SMG6: variants seen among roughly 807,000 people sequenced by gnomAD.
SMG6 encodes the protein telomerase-binding protein EST1A.
Under a neutral mutation model 142.2 loss-of-function variants are expected in SMG6, and 66 were observed. The ratio of observed to expected loss-of-function variants is 0.46; its 90% CI spans 0.38 to 0.57. The LOEUF (loss-of-function observed/expected upper bound fraction) is 0.57, where lower values mean the gene tolerates loss of function less well. SMG6 is among the 20% of genes least tolerant of loss of function. The pLI is 0.00. For synonymous variants in SMG6, 779 were observed against 702.4 expected, an observed-to-expected ratio of 1.11 and a Z score of -1.72; for missense variants, 1,793 against 1,832.0, an observed-to-expected ratio of 0.98 and a Z score of 0.39.
At chr17:2,157,877 C>T (rs550734922) in intron 13 of SMG6, among the ~76,000 whole-genome samples, 33 of 152,258 alleles carry the variant, frequency 2.2e-4, no homozygotes, top group African/African-American at 7.2e-4. Context: ...ATTGCAATGG[C>T]GACAAGAAGC....
At chr17:2,269,850 C>T (rs147938553) in intron 8 of SMG6, among the ~76,000 whole-genome samples, 1 of 152,236 alleles carries the variant, frequency 6.6e-6, no homozygotes, top group East Asian at 1.9e-4. Flanking sequence ...CCCAAAGTCT[C>T]GCAGCTAATA....
intron 10 of SMG6, among the ~76,000 whole-genome samples, chr17:2,196,735 G>A (rs757812270): frequency 2.0e-5 from 3 of 152,012 alleles, no homozygotes; most frequent in Non-Finnish European, 2.9e-5. Flanking sequence ...CTGATGTTAA[G>A]TTAATGAAGA....
chr17:2,295,699 T>C (rs965983963), intron 4 of SMG6, among the ~76,000 whole-genome samples: 2 of 152,148 alleles, frequency 1.3e-5, no homozygotes, highest in African/African-American at 4.8e-5. Context: ...ACCTGTATCA[T>C]GATGACTCAT....
At chr17:2,253,945 G>T (rs1027874042) in intron 8 of SMG6, among the ~76,000 whole-genome samples, 4 of 152,188 alleles carry the variant, frequency 2.6e-5, no homozygotes, top group African/African-American at 7.2e-5. Context: ...AGGGCTCCTG[G>T]ACGTTTCCCA....
chr17:2,253,053 C>T (rs1019705178), intron 8 of SMG6, among the ~76,000 whole-genome samples: 17 of 152,056 alleles, frequency 1.1e-4, no homozygotes, highest in African/African-American at 4.1e-4. Context: ...CTGCTTTCCC[C>T]CTACAAAGGC....
intron 13 of SMG6, among the ~76,000 whole-genome samples, chr17:2,099,818 T>C (rs2068955891): frequency 6.6e-6 from 1 of 152,186 alleles, no homozygotes; most frequent in East Asian, 1.9e-4. Context: ...CAAAACCAAC[T>C]GTATCACAAT....
At position 2,119,989 on chromosome 17, in the gene SMG6, G is replaced by A. The variant is rs141394427; in HGVS notation, c.3358-34088C>T. Reference sequence around the variant, plus strand: ...GTCCAGCTAACGTCTTATATTTTTAGTAGAGAAACGGTTTCACCGTGTTGG... The same window carrying A: ...GTCCAGCTAACGTCTTATATTTTTAATAGAGAAACGGTTTCACCGTGTTGG... On this transcript the variant is annotated intron_variant, in intron 13 of 18. Coordinates refer to ENST00000263073, the MANE Select transcript of SMG6 (RefSeq NM_017575.5). Among the ~76,000 whole-genome samples, 865 of 152,148 alleles carry A rather than the reference G, an allele frequency of 5.7e-3. 9 individuals are homozygous for A. The highest frequency in any genetic ancestry group is 0.019 in the African/African-American group (802 of 41,506).
chr17:2,258,113 T>C (rs2074234452), intron 8 of SMG6, among the ~76,000 whole-genome samples: 2 of 151,642 alleles, frequency 1.3e-5, no homozygotes, highest in South Asian at 2.1e-4. Flanking sequence ...GCATCTTCTA[T>C]GTGTAGCACA....
chr17:2,112,728 T>C (rs902988896), intron 13 of SMG6, among the ~76,000 whole-genome samples: 1 of 146,934 alleles, frequency 6.8e-6, no homozygotes, highest in Non-Finnish European at 1.5e-5. Flanking sequence ...CAGCAAACAA[T>C]AAAAGCCAGG....
intron 12 of SMG6, 24 bp from the exon 13 acceptor site, chr17:2,172,883 G>C (rs1399080289): frequency 6.2e-7 from 1 of 1,610,456 alleles, no homozygotes; most frequent in African/African-American, 1.3e-5. Context: ...GGTAAGAAAA[G>C]AGCAGCTCTA....
chr17:2,206,930 T>TA (rs2072699801), intron 10 of SMG6, among the ~76,000 whole-genome samples: 2 of 149,834 alleles, frequency 1.3e-5, no homozygotes, highest in South Asian at 4.2e-4. Context: ...ATAAAACAAA[T>TA]AAAGATGAAA....
At chr17:2,106,675 G>C (rs978730841) in intron 13 of SMG6, among the ~76,000 whole-genome samples, 3 of 152,134 alleles carry the variant, frequency 2.0e-5, no homozygotes, top group African/African-American at 4.8e-5. Context: ...GAACATGAAG[G>C]GGGCAAAGCT....
Position 2,061,407 on chromosome 17 carries a change from C to A in SMG6, c.*85G>T, listed in dbSNP as rs1398181587. 3.0e-6 allele frequency: 4 copies of A among 1,345,034 alleles called. No homozygotes were observed. In the African/African-American group the frequency reaches 5.8e-5, roughly 20 times the overall value. 83.3% of individuals were successfully genotyped at this position (1,345,034 alleles called of 1,614,324 possible). On this transcript the variant is annotated 3_prime_UTR_variant, in exon 19 of 19. Transcript: ENST00000263073. ...TGTCTGGGTGGATTGGTGGCTCAGG[C>A]ACGTGGGCATCTTCCGTGCTACACT... is the stretch of plus-strand genomic sequence containing the variant.
At chr17:2,218,253 T>A (rs1461617232) in intron 10 of SMG6, among the ~76,000 whole-genome samples, 2 of 151,400 alleles carry the variant, frequency 1.3e-5, no homozygotes, top group Non-Finnish European at 2.9e-5. Context: ...AGTAAAAAAA[T>A]AAGATAACCA....
intron 17 of SMG6, 88 bp from the exon 18 acceptor site, chr17:2,065,242 T>C (rs1041598513): frequency 5.8e-6 from 7 of 1,207,714 alleles, no homozygotes; most frequent in Non-Finnish European, 8.5e-6. Flanking sequence ...TCGGGGGCCC[T>C]GGGCAGGGCC....
chr17:2,117,589 AACAG>A (rs1316496810), intron 13 of SMG6: 1 of 152,220 alleles, frequency 6.6e-6, no homozygotes, highest in Non-Finnish European at 1.5e-5. Flanking sequence ...GAATAAACTT[AACAG>A]ACAATGTATA....
chr17:2,298,959 C>G lies in SMG6; in HGVS notation c.1794G>C (p.Leu598=). The G allele has an allele frequency of 6.2e-7, 1 of 1,614,152 alleles. No individual in the cohort carries two copies. The highest frequency in any genetic ancestry group is 8.5e-7 in the Non-Finnish European group (1 of 1,180,026). The part of the protein sequence containing the change: ...ADNQELQLSN[L]LSRDRISPEG... ...CCGGACTGATGCGGTCCCTGGAGAGCAGGTTGCTGAGCTGCAGTTCCTGGT... is the reference window on the plus strand; with the variant it reads ...CCGGACTGATGCGGTCCCTGGAGAGGAGGTTGCTGAGCTGCAGTTCCTGGT... The change falls in exon 2 of 19, where the codon CTG becomes CTC. Residue 598 remains leucine, a synonymous_variant. Coordinates refer to ENST00000263073, the MANE Select transcript of SMG6 (RefSeq NM_017575.5).
intron 10 of SMG6, chr17:2,215,958 A>G (rs1440733543): frequency 6.6e-6 from 1 of 152,360 alleles, no homozygotes; most frequent in Non-Finnish European, 1.5e-5. Context: ...CAATGCAGAC[A>G]GAAGTAAACC....
At chr17:2,274,584 A>G (rs538265738) in intron 8 of SMG6, among the ~76,000 whole-genome samples, 1 of 152,216 alleles carries the variant, frequency 6.6e-6, no homozygotes, top group African/African-American at 2.4e-5. Flanking sequence ...TTTGGATAAC[A>G]GAGATTAGGA....
Sources: gnomAD v4.1 joint callset for allele counts (sites outside exome capture counted in the v4.1 genomes callset) on GRCh38, gnomAD v4.1.1 for gene constraint, MANE v1.5 for transcripts, NCBI Gene and HGNC (gene_info 2026-07-23, HGNC 2026-07-21) for gene names.